The following ANKFY1 variants were observed in gnomAD, a reference collection of about 807,000 sequenced individuals.
ANKFY1 encodes the protein ankyrin repeat and FYVE domain containing 1, also known as ankyrin repeat and FYVE domain-containing protein 1.
A neutral mutation model predicts 128.3 loss-of-function variants in ANKFY1; 47 were observed. The observed-to-expected ratio is 0.37, with a 90% CI of 0.29 to 0.47. The LOEUF is 0.47. Ranked by LOEUF, ANKFY1 falls within the 20% of genes least tolerant of loss-of-function variation. ANKFY1 has a pLI of 1.00. For synonymous variants in ANKFY1, 553 were observed against 601.6 expected (o/e 0.92, Z 1.18); for missense variants, 1,222 against 1,510.6 (o/e 0.81, Z 3.17).
intron 5 of ANKFY1, among the ~76,000 whole-genome samples, chr17:4,209,364 G>A (rs971977215): frequency 4.6e-5 from 7 of 152,142 alleles, no homozygotes; most frequent in Admixed American, 2.0e-4. Flanking sequence ...GCAGTGGCGC[G>A]ATCTCAGTTC....
At chr17:4,255,810 T>C (rs894263389) in intron 1 of ANKFY1, among the ~76,000 whole-genome samples, 9 of 151,546 alleles carry the variant, frequency 5.9e-5, no homozygotes, top group Non-Finnish European at 1.3e-4. Context: ...CCACCACTAC[T>C]ACTTTTCTTT....
chr17:4,202,470 G>A (rs969500407), intron 7 of ANKFY1, among the ~76,000 whole-genome samples: 12 of 150,922 alleles, frequency 8.0e-5, no homozygotes, highest in African/African-American at 2.7e-4. Context: ...AGGCCGAGAC[G>A]GGCGGATCAC....
At chr17:4,242,533 A>C (rs1967298713) in intron 1 of ANKFY1, 85 bp from the exon 2 acceptor site, 12 of 1,223,848 alleles carry the variant, frequency 9.8e-6, no homozygotes, top group Non-Finnish European at 1.3e-5. Flanking sequence ...TAGACAGGAA[A>C]GCTCCCAAAG....
rs749149854 is a variant in ANKFY1, at chr17:4,186,615, G to A, written c.1471-1569C>T. On this transcript the variant is annotated intron_variant, in intron 11 of 24. Coordinates refer to ENST00000341657, the MANE Select transcript of ANKFY1 (RefSeq NM_001330063.2). ...TTTTACGCCTTGACCCAGAGTGCGC[G>A]CTTCCCATCCCAAATCCTCCCCATA... The A allele has an allele frequency of 6.2e-5, 10 of 162,410 alleles. 1 individual carries two copies. The South Asian group carries it at 1.8e-3, about 29-fold the overall frequency. The allele number at this position is 162,410 out of a possible 1,614,324, so 10.1% of individuals were successfully genotyped here. A position where few individuals can be genotyped will look rare whatever the true frequency, so the allele number is the denominator to read the frequency against.
chr17:4,169,308 C>T lies in ANKFY1; in HGVS notation c.3287-20G>A, dbSNP rs1444446908. The T allele has an allele frequency of 2.0e-6, 3 of 1,535,206 alleles. No homozygotes were observed. In the African/African-American group the frequency reaches 4.1e-5, roughly 21 times the overall value. On this transcript the variant is annotated intron_variant, in intron 23 of 24. Transcript: ENST00000341657. This position sits in a 1 kb window ranked among gnomAD's most constrained non-coding sequence, Gnocchi z 5.0. Reference sequence around the variant, plus strand: ...GCATATCTGCAACACAGGGGGGAGGCCCGGTCCCGTCAAACCGCGACGGCG... The same window carrying T: ...GCATATCTGCAACACAGGGGGGAGGTCCGGTCCCGTCAAACCGCGACGGCG...
intron 1 of ANKFY1, among the ~76,000 whole-genome samples, chr17:4,250,500 T>G (rs1347515867): frequency 6.6e-6 from 1 of 152,132 alleles, no homozygotes; most frequent in Non-Finnish European, 1.5e-5. Context: ...CTGACAGAAA[T>G]GAAAGGCAAC....
chr17:4,194,910 GC>G, intron 10 of ANKFY1, 67 bp downstream of exon 10: 1 of 1,479,818 alleles, frequency 6.8e-7, no homozygotes, highest in South Asian at 1.2e-5. Flanking sequence ...TGGGGTGAAG[GC>G]ATTTACATGC....
At chr17:4,195,263 C>CT in intron 9 of ANKFY1, 86 bp from the exon 10 acceptor site, 1 of 1,424,194 alleles carries the variant, frequency 7.0e-7, no homozygotes, top group Non-Finnish European at 9.5e-7. Context: ...TCTCTTTACC[C>CT]TTTTTCAATG....
At chr17:4,203,764 G>A (rs898009807) in intron 7 of ANKFY1, among the ~76,000 whole-genome samples, 3 of 144,060 alleles carry the variant, frequency 2.1e-5, no homozygotes, top group Non-Finnish European at 4.5e-5. Flanking sequence ...GCAGTGAGCC[G>A]AGACCGAGCC....
At chr17:4,189,709 G>A (rs35189697) in intron 10 of ANKFY1, among the ~76,000 whole-genome samples, 70,548 of 127,514 alleles carry the variant, frequency 0.55, 18,690 homozygotes, top group East Asian at 0.74. Context: ...GTAGGCCCAC[G>A]CCAGACAGTA....
chr17:4,194,317 C>A (rs1195771007), intron 10 of ANKFY1: 8 of 151,386 alleles, frequency 5.3e-5, no homozygotes, highest in Non-Finnish European at 7.4e-5. Context: ...CTAAAGGGGC[C>A]ACCCTGGTCT....
intron 1 of ANKFY1, among the ~76,000 whole-genome samples, chr17:4,259,382 G>C (rs949320845): frequency 2.0e-5 from 3 of 152,190 alleles, no homozygotes; most frequent in Non-Finnish European, 1.5e-5. Context: ...CCGGGTTCAA[G>C]TGATTCTCCT....
chr17:4,258,628 C>G (rs1007845132), intron 1 of ANKFY1, among the ~76,000 whole-genome samples: 1 of 152,074 alleles, frequency 6.6e-6, no homozygotes, highest in African/African-American at 2.4e-5. Flanking sequence ...CAAAGCACTT[C>G]TGGCAATGGT....
chr17:4,254,276 C>T (rs1015752425), intron 1 of ANKFY1, among the ~76,000 whole-genome samples: 2 of 136,838 alleles, frequency 1.5e-5, no homozygotes, highest in Non-Finnish European at 3.0e-5. Context: ...TGCACTCCAG[C>T]CTGGACCACA....
chr17:4,250,917 G>A (rs1967793433), intron 1 of ANKFY1, among the ~76,000 whole-genome samples: 1 of 152,144 alleles, frequency 6.6e-6, no homozygotes, highest in Admixed American at 6.6e-5. Flanking sequence ...TTACATGCAT[G>A]CATAACCACA....
chr17:4,227,879 A>G (rs532949006), intron 3 of ANKFY1, among the ~76,000 whole-genome samples: 98 of 152,332 alleles, frequency 6.4e-4, no homozygotes, highest in African/African-American at 2.3e-3. Flanking sequence ...AGCGTTAGTC[A>G]GGATGTGAAG....
chr17:4,256,776 C>T (rs1406806549), intron 1 of ANKFY1, among the ~76,000 whole-genome samples: 1 of 152,190 alleles, frequency 6.6e-6, no homozygotes, highest in East Asian at 1.9e-4. Flanking sequence ...TCATCTCTGG[C>T]ACAGTAGCTT....
chr17:4,222,368 C>A, intron 3 of ANKFY1: 1 of 778,630 alleles, frequency 1.3e-6, no homozygotes, highest in South Asian at 1.3e-5. Context: ...TACGCTCTGT[C>A]CTTTAATCTG....
Position 4,232,689 on chromosome 17 carries a change from C to T in ANKFY1, c.322+3083G>A, listed in dbSNP as rs548352374. Among the ~76,000 whole-genome samples the T allele has an allele frequency of 3.3e-5, 5 of 152,270 alleles. No individual in the cohort carries two copies. The South Asian group carries it at 1.0e-3, about 32-fold the overall frequency. Reference sequence around the variant, plus strand: ...CTGAACTCGAGAAAACTTCCTGACTCACAGTGATGCAATCTTGTGGCCAGA... The same window carrying T: ...CTGAACTCGAGAAAACTTCCTGACTTACAGTGATGCAATCTTGTGGCCAGA... On this transcript the variant is annotated intron_variant, in intron 3 of 24. Transcript: ENST00000341657.
Sources: gnomAD v4.1 joint callset for allele counts (sites outside exome capture counted in the v4.1 genomes callset) on GRCh38, gnomAD v4.1.1 for gene constraint, Gnocchi (gnomAD v3.1) non-coding constraint, MANE v1.5 for transcripts, NCBI Gene and HGNC (gene_info 2026-07-23, HGNC 2026-07-21) for gene names.